ANKFN1: variants seen among roughly 807,000 people sequenced by gnomAD.
The protein encoded by ANKFN1 is ankyrin repeat and fibronectin type-III domain-containing protein 1.
In ANKFN1, 74 loss-of-function variants were observed where a neutral mutation model predicts 108.7. That is an observed-to-expected ratio of 0.68 (90% CI 0.56 to 0.83). The LOEUF (loss-of-function observed/expected upper bound fraction) is 0.83. Ranked by LOEUF, ANKFN1 falls within the 40% of genes least tolerant of loss-of-function variation. The pLI, the probability that ANKFN1 is intolerant of heterozygous loss-of-function variation, is 0.00. For missense variants in ANKFN1, 1,505 were observed against 1,382.3 expected (o/e 1.09, Z -1.41); for synonymous variants, 547 against 516.2 (o/e 1.06, Z -0.81).
At chr17:56,049,561 T>TC (rs1456022439) in intron 4 of ANKFN1, among the ~76,000 whole-genome samples, 1 of 151,270 alleles carries the variant, frequency 6.6e-6, no homozygotes, top group Non-Finnish European at 1.5e-5. Flanking sequence ...CCCACCACAG[T>TC]CCCCAGAGTG....
chr17:56,270,767 C>G (rs923990326), intron 3 of ANKFN1, among the ~76,000 whole-genome samples: 2 of 152,188 alleles, frequency 1.3e-5, no homozygotes, highest in South Asian at 2.1e-4. Flanking sequence ...ACATGTCCAG[C>G]TCATTTCAGT....
chr17:56,309,857 A>T (rs2044958731), intron 3 of ANKFN1, among the ~76,000 whole-genome samples: 2 of 152,186 alleles, frequency 1.3e-5, no homozygotes, highest in Non-Finnish European at 2.9e-5. Flanking sequence ...AAAATATCTT[A>T]TTGCACTCTC....
intron 3 of ANKFN1, among the ~76,000 whole-genome samples, chr17:56,282,485 A>T (rs890478343): frequency 6.6e-6 from 1 of 152,136 alleles, no homozygotes; most frequent in African/African-American, 2.4e-5. Flanking sequence ...AATTTCAAAA[A>T]CCATTTTTGT....
At chr17:56,091,353 A>G (rs1283283825) in intron 4 of ANKFN1, among the ~76,000 whole-genome samples, 1 of 150,906 alleles carries the variant, frequency 6.6e-6, no homozygotes, top group South Asian at 2.1e-4. Context: ...TATATTTTAA[A>G]TGAATAGGGT....
chr17:56,353,957 G>T lies in ANKFN1; in HGVS notation c.512G>T (p.Gly171Val). The change falls in exon 6 of 21, where the codon GGC becomes GTC. Residue 171 changes from glycine (G) to valine (V), a missense_variant. Gly to Val is a moderately radical substitution (Grantham distance 109, BLOSUM62 -3). Transcript: ENST00000682825. The part of the protein sequence containing the change: ...ELDLNTPNSE[G>V]LTPLDIAIMT... ...GACCTCAACACACCTAACAGCGAGG[G>T]CTTGACACCCCTGGATATTGCCATC... is the stretch of plus-strand genomic sequence containing the variant. 1 of 1,613,992 alleles carries T rather than the reference G, an allele frequency of 6.2e-7. No homozygotes were observed. Among genetic ancestry groups the T allele is most frequent in the Non-Finnish European group, 8.5e-7 (1 of 1,179,956 alleles).
At chr17:56,107,680 G>A (rs1905777451) in intron 4 of ANKFN1, among the ~76,000 whole-genome samples, 1 of 151,988 alleles carries the variant, frequency 6.6e-6, no homozygotes, top group Non-Finnish European at 1.5e-5. Flanking sequence ...TTTTCTCTCA[G>A]TCCACATTAG....
Position 56,367,691 on chromosome 17 carries a change from A to G in ANKFN1, c.602-4955A>G, listed in dbSNP as rs116104304. Among the ~76,000 whole-genome samples the G allele has an allele frequency of 4.9e-4, 74 of 152,276 alleles. 1 individual carries two copies. Among genetic ancestry groups the G allele is most frequent in the African/African-American group, 1.6e-3 (68 of 41,538 alleles). On this transcript the variant is annotated intron_variant, in intron 6 of 20. Transcript: ENST00000682825. ...GCTGGAGAAGGAACCAACTGCAATG[A>G]GAGAAAAGACCAAACCTTGCAGAGA...
At chr17:56,351,287 C>T (rs564666349) in intron 5 of ANKFN1, among the ~76,000 whole-genome samples, 1 of 151,736 alleles carries the variant, frequency 6.6e-6, no homozygotes, top group Admixed American at 6.6e-5. Flanking sequence ...AATGGGCTTT[C>T]TGAGAGTTCC....
At chr17:56,241,513 T>C (rs1236842805) in intron 3 of ANKFN1, among the ~76,000 whole-genome samples, 1 of 152,068 alleles carries the variant, frequency 6.6e-6, no homozygotes, top group East Asian at 1.9e-4. Flanking sequence ...AGTCTATTGA[T>C]CATTGTCTGA....
chr17:56,347,351 C>T (rs1351371278), intron 4 of ANKFN1, among the ~76,000 whole-genome samples: 2 of 151,834 alleles, frequency 1.3e-5, no homozygotes, highest in African/African-American at 4.8e-5. Flanking sequence ...AGAATAGGTA[C>T]CTTTCATTTG....
At chr17:56,267,503 T>C (rs1348491889) in intron 3 of ANKFN1, among the ~76,000 whole-genome samples, 1 of 152,194 alleles carries the variant, frequency 6.6e-6, no homozygotes, top group African/African-American at 2.4e-5. Context: ...CTGTTCAGAA[T>C]AGTATTTCCT....
intron 20 of ANKFN1, among the ~76,000 whole-genome samples, chr17:56,505,485 A>G (rs2051525948): frequency 6.6e-6 from 1 of 152,206 alleles, no homozygotes; most frequent in Admixed American, 6.5e-5. Context: ...GAAATACAAA[A>G]GATTCTACAC....
intron 8 of ANKFN1, among the ~76,000 whole-genome samples, chr17:56,383,033 T>C (rs1205294946): frequency 6.6e-6 from 1 of 152,164 alleles, no homozygotes; most frequent in Non-Finnish European, 1.5e-5. Context: ...TACATTTTCT[T>C]CAGCACCACA....
intron 8 of ANKFN1, among the ~76,000 whole-genome samples, chr17:56,406,658 C>T (rs182265769): frequency 9.9e-4 from 150 of 152,208 alleles, no homozygotes; most frequent in Non-Finnish European, 1.7e-3. Flanking sequence ...TTATCCATTG[C>T]GACTCCAGGA....
intron 8 of ANKFN1, among the ~76,000 whole-genome samples, chr17:56,391,877 G>A (rs1049485372): frequency 1.8e-4 from 28 of 152,154 alleles, no homozygotes; most frequent in Admixed American, 5.2e-4. Context: ...TCCTAGCATA[G>A]GACATACCCA....
intron 4 of ANKFN1, among the ~76,000 whole-genome samples, chr17:56,059,707 T>C (rs1163244212): frequency 6.6e-6 from 1 of 152,200 alleles, no homozygotes; most frequent in Non-Finnish European, 1.5e-5. Context: ...TCCCTATTGC[T>C]TGTTTTTGTC....
chr17:56,277,475 G>A (rs2043964167), intron 3 of ANKFN1, among the ~76,000 whole-genome samples: 1 of 151,894 alleles, frequency 6.6e-6, no homozygotes, highest in East Asian at 1.9e-4. Flanking sequence ...CCTGTATTGA[G>A]TACCTACAAT....
At chr17:56,502,706 C>T (rs2051413462) in intron 20 of ANKFN1, among the ~76,000 whole-genome samples, 1 of 152,200 alleles carries the variant, frequency 6.6e-6, no homozygotes, top group African/African-American at 2.4e-5. Context: ...AAGAACATAC[C>T]TGCTGGGTTA....
intron 6 of ANKFN1, among the ~76,000 whole-genome samples, chr17:56,356,396 T>C (rs2046378414): frequency 6.6e-6 from 1 of 152,196 alleles, no homozygotes; most frequent in Non-Finnish European, 1.5e-5. Flanking sequence ...TACTTCCAAG[T>C]GGTGAGACCC....
Sources: allele counts gnomAD v4.1 joint callset (sites outside exome capture counted in the v4.1 genomes callset), GRCh38; gene constraint gnomAD v4.1.1; transcripts MANE v1.5; gene names NCBI Gene and HGNC (gene_info 2026-07-23, HGNC 2026-07-21).